Variants in FHOD3 observed in about 807,000 individuals in gnomAD.
The protein encoded by FHOD3 is FH1/FH2 domain-containing protein 3.
In FHOD3, 90 loss-of-function variants were observed where a neutral mutation model predicts 173.0. The observed-to-expected ratio is 0.52, with a 90% CI of 0.44 to 0.62. The LOEUF (loss-of-function observed/expected upper bound fraction) is 0.62. FHOD3 is among the 20% of genes least tolerant of loss of function. The pLI, the probability that FHOD3 is intolerant of heterozygous loss-of-function variation, is 0.00. For synonymous variants in FHOD3, 828 were observed against 823.0 expected (o/e 1.01, Z -0.10); for missense variants, 1,945 against 2,034.7 (o/e 0.96, Z 0.85).
chr18:36,366,498 A>G (rs1001937008), intron 2 of FHOD3, among the ~76,000 whole-genome samples: 6 of 152,214 alleles, frequency 3.9e-5, no homozygotes, highest in African/African-American at 1.4e-4. Context: ...GAAGGTAGAC[A>G]TTATCTTATT....
chr18:36,607,429 T>A (rs1292927341), intron 8 of FHOD3, among the ~76,000 whole-genome samples: 2 of 152,294 alleles, frequency 1.3e-5, no homozygotes, highest in East Asian at 3.9e-4. Flanking sequence ...AACCTTGCCC[T>A]CAAGGTCCTA....
intron 3 of FHOD3, among the ~76,000 whole-genome samples, chr18:36,441,116 CTT>C (rs2051121058): frequency 6.6e-6 from 1 of 152,144 alleles, no homozygotes; most frequent in Admixed American, 6.5e-5. Context: ...TCCTTTCTCT[CTT>C]TGTCTTTGCA....
At chr18:36,407,965 A>C (rs1485284220) in intron 3 of FHOD3, among the ~76,000 whole-genome samples, 3 of 152,232 alleles carry the variant, frequency 2.0e-5, no homozygotes, top group African/African-American at 7.2e-5. Context: ...TATAGGGAGT[A>C]CAGATGTAAG....
chr18:36,680,374 G>C (rs2038154429), intron 14 of FHOD3, among the ~76,000 whole-genome samples: 1 of 152,198 alleles, frequency 6.6e-6, no homozygotes, highest in South Asian at 2.1e-4. Context: ...ATCCAGGTAG[G>C]ATTTTACCCA....
chr18:36,780,168 A>G lies in FHOD3; in HGVS notation c.*638A>G. 7 of 1,231,724 alleles carry G rather than the reference A, an allele frequency of 5.7e-6. No homozygotes were observed. In the South Asian group the frequency reaches 1.2e-4, roughly 22 times the overall value. The allele number at this position is 1,231,724 out of a possible 1,614,324, so 76.3% of individuals were successfully genotyped here. On this transcript the variant is annotated 3_prime_UTR_variant, in exon 29 of 29. Transcript: ENST00000590592. ...GTCCTCAGAAGCACCCTCGCTTGGA[A>G]CGGCCTTCAGATCCTTTGGGCTGTA... is the stretch of plus-strand genomic sequence containing the variant.
chr18:36,766,133 CA>C (rs1388765538), intron 27 of FHOD3, among the ~76,000 whole-genome samples: 2 of 151,952 alleles, frequency 1.3e-5, no homozygotes, highest in East Asian at 1.9e-4. Flanking sequence ...GCTCAATTTT[CA>C]AAAGGAACTG....
At chr18:36,731,161 C>T (rs1391297413) in intron 20 of FHOD3, among the ~76,000 whole-genome samples, 1 of 152,196 alleles carries the variant, frequency 6.6e-6, no homozygotes, top group Non-Finnish European at 1.5e-5. Flanking sequence ...GTAGGGTTTT[C>T]AGTACATGTG....
At chr18:36,718,773 C>G in intron 19 of FHOD3, 58 bp downstream of exon 19, 2 of 1,548,572 alleles carry the variant, frequency 1.3e-6, no homozygotes, top group South Asian at 2.5e-5. Context: ...TGAAGAGATT[C>G]GTTCTGTATA....
chr18:36,430,207 G>C (rs1317941119), intron 3 of FHOD3, among the ~76,000 whole-genome samples: 1 of 152,162 alleles, frequency 6.6e-6, no homozygotes, highest in Non-Finnish European at 1.5e-5. Flanking sequence ...GACTAGGGTT[G>C]GGCAAATAAG....
intron 3 of FHOD3, among the ~76,000 whole-genome samples, chr18:36,397,434 G>A (rs943042201): frequency 1.3e-5 from 2 of 152,006 alleles, no homozygotes; most frequent in African/African-American, 4.8e-5. Flanking sequence ...TATTGCTTAT[G>A]GTGCTTTTGT....
At chr18:36,777,821 C>G (rs1017153479) in intron 28 of FHOD3, 2 of 152,144 alleles carry the variant, frequency 1.3e-5, no homozygotes, top group Non-Finnish European at 2.9e-5. Flanking sequence ...AGTGCAAGAA[C>G]AGCTACAGAT....
intron 19 of FHOD3, among the ~76,000 whole-genome samples, chr18:36,729,532 A>G (rs1361746399): frequency 6.6e-6 from 1 of 152,212 alleles, no homozygotes; most frequent in Non-Finnish European, 1.5e-5. Flanking sequence ...GGAACTCCAG[A>G]TCAAGGTACT....
chr18:36,374,593 C>G (rs75676015), intron 3 of FHOD3, among the ~76,000 whole-genome samples: 1 of 152,140 alleles, frequency 6.6e-6, no homozygotes, highest in Non-Finnish European at 1.5e-5. Context: ...CTATAAAAGG[C>G]GAGGGGGAAT....
At chr18:36,452,370 AT>A (rs1484683341) in intron 3 of FHOD3, among the ~76,000 whole-genome samples, 1 of 152,184 alleles carries the variant, frequency 6.6e-6, no homozygotes, top group Non-Finnish European at 1.5e-5. Context: ...AGCCAAAAAA[AT>A]TTGAGAAGTC....
In FHOD3 at chr18:36,776,865, C is replaced by T. The variant is rs538079606; in HGVS notation, c.4787-2583C>T. 3.3e-3 allele frequency among the ~76,000 whole-genome samples: 496 copies of T among 152,298 alleles called. 1 individual carries two copies. Among genetic ancestry groups the T allele is most frequent in the Admixed American group, 6.8e-3 (104 of 15,308 alleles). On this transcript the variant is annotated intron_variant, in intron 28 of 28. Transcript: ENST00000590592. ...ATAAAGGTACCTTTAGTTCTGTTCTCTGAGCCTGTCCCAGATAGGCTGGCT... is the reference window on the plus strand; with the variant it reads ...ATAAAGGTACCTTTAGTTCTGTTCTTTGAGCCTGTCCCAGATAGGCTGGCT...
intron 5 of FHOD3, among the ~76,000 whole-genome samples, chr18:36,551,231 G>C (rs1294492029): frequency 1.3e-5 from 2 of 152,154 alleles, no homozygotes; most frequent in African/African-American, 2.4e-5. Flanking sequence ...GGGGTAAACT[G>C]TACCTGGTCA....
chr18:36,324,953 TTA>T (rs1226558861), intron 1 of FHOD3, among the ~76,000 whole-genome samples: 1 of 152,216 alleles, frequency 6.6e-6, no homozygotes, highest in Admixed American at 6.5e-5. Flanking sequence ...GAATTGATAC[TTA>T]TAGAATATTC....
chr18:36,558,570 T>A (rs77303901), intron 5 of FHOD3, among the ~76,000 whole-genome samples: 8,108 of 152,262 alleles, frequency 0.053, 364 homozygotes, highest in Admixed American at 0.13. Context: ...TGGGAATATA[T>A]CTTAAATATT....
chr18:36,472,415 T>G (rs1463658579), intron 3 of FHOD3, among the ~76,000 whole-genome samples: 1 of 152,198 alleles, frequency 6.6e-6, no homozygotes, highest in African/African-American at 2.4e-5. Context: ...GAGATATAAT[T>G]TACATACCAT....
Sources: gnomAD v4.1 joint callset for allele counts (sites outside exome capture counted in the v4.1 genomes callset) on GRCh38, gnomAD v4.1.1 for gene constraint, MANE v1.5 for transcripts, NCBI Gene and HGNC (gene_info 2026-07-23, HGNC 2026-07-21) for gene names.